Variants in FOCAD observed in about 807,000 individuals in gnomAD.
FOCAD encodes focadhesin, also known as KIAA1797.
A neutral mutation model predicts 225.6 loss-of-function variants in FOCAD; 198 were observed. That is an observed-to-expected ratio of 0.88 (90% CI 0.78 to 0.99). The LOEUF (loss-of-function observed/expected upper bound fraction) is 0.99. FOCAD is among the 50% of genes least tolerant of loss of function. The pLI is 0.00. For synonymous variants in FOCAD, 897 were observed against 755.0 expected (o/e 1.19, Z -3.08); for missense variants, 2,713 against 2,123.6 (o/e 1.28, Z -5.46).
intron 28 of FOCAD, among the ~76,000 whole-genome samples, chr9:20,941,488 T>C (rs572444674): frequency 2.6e-5 from 4 of 152,290 alleles, no homozygotes; most frequent in African/African-American, 7.2e-5. Context: ...TTGCCTACAG[T>C]AAACTAGGGA....
At chr9:20,718,246 A>T (rs185754823) in intron 3 of FOCAD, among the ~76,000 whole-genome samples, 1 of 152,274 alleles carries the variant, frequency 6.6e-6, no homozygotes, top group Admixed American at 6.5e-5. Flanking sequence ...TTGGATGTAG[A>T]TTTCTCATGC....
chr9:20,705,885 G>C (rs960386507), intron 1 of FOCAD, among the ~76,000 whole-genome samples: 1 of 145,590 alleles, frequency 6.9e-6, no homozygotes, highest in Non-Finnish European at 1.5e-5. Context: ...AGAATAATTA[G>C]AGAAAATTTG....
chr9:20,990,148 T>C lies in FOCAD; in HGVS notation c.5030T>C (p.Phe1677Ser), dbSNP rs1841517971. Residue 1677 changes from phenylalanine (F) to serine (S), a missense_variant, in exon 42 of 44, where the codon TTT becomes TCT. Transcript: ENST00000338382. ...DKALDFFLLIFATAVVAWADH... is the reference protein window; with the variant it reads ...DKALDFFLLISATAVVAWADH... Reference sequence around the variant, plus strand: ...GCTTTGGACTTCTTCTTGCTGATATTTGCAACCGCAGTGGTTGCATGGGCT... The same window carrying C: ...GCTTTGGACTTCTTCTTGCTGATATCTGCAACCGCAGTGGTTGCATGGGCT... The C allele has an allele frequency of 1.2e-6, 2 of 1,614,094 alleles. No homozygotes were observed. The highest frequency in any genetic ancestry group is 2.7e-5 in the African/African-American group (2 of 74,942).
Position 20,757,796 on chromosome 9 carries a change from G to T in FOCAD, c.393-294G>T, listed in dbSNP as rs547207663. ...TATGAGAGAGCTGCTGGATTCAGGA[G>T]CTTGGCCAAAGTCACAGAACTGTTA... On this transcript the variant is annotated intron_variant, in intron 5 of 43. Coordinates refer to ENST00000338382, the MANE Select transcript of FOCAD (RefSeq NM_001375567.1). Among the ~76,000 whole-genome samples, 15 of 152,262 alleles carry T rather than the reference G, an allele frequency of 9.9e-5. No homozygotes were observed. The South Asian group carries it at 3.1e-3, about 32-fold the overall frequency.
At chr9:20,976,303 A>G (rs1310598591) in intron 35 of FOCAD, 117 bp from the exon 36 acceptor site, 2 of 943,486 alleles carry the variant, frequency 2.1e-6, no homozygotes, top group Non-Finnish European at 3.2e-6. Context: ...GTTGATCGCA[A>G]TTGAATATGT....
chr9:20,822,945 G>A, intron 14 of FOCAD, 44 bp from the exon 15 acceptor site: 2 of 1,540,568 alleles, frequency 1.3e-6, no homozygotes, highest in Non-Finnish European at 8.7e-7. Context: ...AGTGATAACT[G>A]CACTTTAGCA....
In FOCAD at chr9:20,820,387, G is replaced by C; in HGVS notation, c.1624G>C (p.Val542Leu). 6.2e-7 allele frequency: 1 copy of C among 1,612,920 alleles called. No homozygotes were observed. Among genetic ancestry groups the C allele is most frequent in the Non-Finnish European group, 8.5e-7 (1 of 1,179,334 alleles). ...TGGAACCACACCACGACTAAGAGCT[G>C]TCACTTTGCGCTTGCTGACATCTTT... is the stretch of plus-strand genomic sequence containing the variant. ...LLGTTPRLRA[V>L]TLRLLTSLWE... Residue 542 changes from valine to leucine, a missense_variant, in exon 13 of 44, where the codon GTC (valine) becomes CTC (leucine). Physicochemically the swap from Val to Leu is conservative, Grantham distance 32. Transcript: ENST00000338382.
chr9:20,689,768 G>C (rs1822869296), intron 1 of FOCAD, among the ~76,000 whole-genome samples: 1 of 152,206 alleles, frequency 6.6e-6, no homozygotes, highest in Admixed American at 6.5e-5. Flanking sequence ...GCTTTTAGTA[G>C]TTGGGACTTT....
upstream of FOCAD, among the ~76,000 whole-genome samples, chr9:20,681,047 C>T (rs1482636514): frequency 6.6e-6 from 1 of 152,038 alleles, no homozygotes; most frequent in Non-Finnish European, 1.5e-5. Context: ...AACCACAGCC[C>T]CCCACAAAAA....
At chr9:20,736,954 TA>T (rs1827202141) in intron 4 of FOCAD, among the ~76,000 whole-genome samples, 1 of 151,836 alleles carries the variant, frequency 6.6e-6, no homozygotes, top group African/African-American at 2.4e-5. Context: ...TTAATATAAA[TA>T]ATATCTATTT....
chr9:20,818,901 A>G (rs552058383), intron 11 of FOCAD, among the ~76,000 whole-genome samples: 119 of 152,228 alleles, frequency 7.8e-4, no homozygotes, highest in African/African-American at 2.7e-3. Flanking sequence ...AATTTTTGCA[A>G]AGAAGCCAGC....
At chr9:20,904,067 T>A (rs1457505689) in intron 21 of FOCAD, among the ~76,000 whole-genome samples, 2 of 151,994 alleles carry the variant, frequency 1.3e-5, no homozygotes, top group Non-Finnish European at 2.9e-5. Flanking sequence ...TTTTCAAGGT[T>A]CAGCCATAGT....
At chr9:20,727,086 G>T (rs2131585332) in intron 4 of FOCAD, among the ~76,000 whole-genome samples, 1 of 152,216 alleles carries the variant, frequency 6.6e-6, no homozygotes, top group East Asian at 1.9e-4. Flanking sequence ...TGACAGAGTT[G>T]CTAGTCCATG....
chr9:20,819,489 C>G (rs903135704), intron 11 of FOCAD, among the ~76,000 whole-genome samples: 2 of 152,114 alleles, frequency 1.3e-5, no homozygotes, highest in African/African-American at 4.8e-5. Flanking sequence ...GCTGGGATTA[C>G]AGGTGTGAGC....
At chr9:20,898,731 T>C (rs1832315455) in intron 21 of FOCAD, among the ~76,000 whole-genome samples, 1 of 152,012 alleles carries the variant, frequency 6.6e-6, no homozygotes, top group African/African-American at 2.4e-5. Context: ...GGTTCTGATA[T>C]GTGCTCTGTC....
intron 15 of FOCAD, among the ~76,000 whole-genome samples, chr9:20,825,611 G>C (rs1045657945): frequency 6.6e-6 from 1 of 152,076 alleles, no homozygotes; most frequent in Admixed American, 6.6e-5. Context: ...ACCTTAGTTG[G>C]AAAAGTACCC....
chr9:20,846,104 C>T (rs1827079025), intron 15 of FOCAD, among the ~76,000 whole-genome samples: 1 of 152,028 alleles, frequency 6.6e-6, no homozygotes, highest in Non-Finnish European at 1.5e-5. Context: ...TCAGGGATTC[C>T]AGGCTAGAGT....
At chr9:20,918,378 G>A (rs528997397) in intron 24 of FOCAD, among the ~76,000 whole-genome samples, 4 of 152,268 alleles carry the variant, frequency 2.6e-5, no homozygotes, top group Non-Finnish European at 5.9e-5. Flanking sequence ...AAGAAAATAT[G>A]TTTACATGAG....
chr9:20,932,996 C>T lies in FOCAD; in HGVS notation c.3318-18C>T, dbSNP rs755510582. ...CTAATTTTAAATAATTCATTGTTTCCCCTTGATCTTTAACCAGTGATATAT... is the reference window on the plus strand; with the variant it reads ...CTAATTTTAAATAATTCATTGTTTCTCCTTGATCTTTAACCAGTGATATAT... On this transcript the variant is annotated intron_variant, in intron 27 of 43. Coordinates refer to ENST00000338382, the MANE Select transcript of FOCAD (RefSeq NM_001375567.1). The T allele has an allele frequency of 3.8e-6, 6 of 1,571,224 alleles. No homozygotes were observed. The highest frequency in any genetic ancestry group is 2.2e-5 in the East Asian group (1 of 44,578).
Sources: gnomAD v4.1 joint callset for allele counts (sites outside exome capture counted in the v4.1 genomes callset) on GRCh38, gnomAD v4.1.1 for gene constraint, MANE v1.5 for transcripts, NCBI Gene and HGNC (gene_info 2026-07-23, HGNC 2026-07-21) for gene names.